The following CSMD1 variants were observed in gnomAD, a reference collection of about 807,000 sequenced individuals.
The protein encoded by CSMD1 is CUB and Sushi multiple domains 1.
CSMD1 carries 213 observed loss-of-function variants against 417.5 expected under a neutral mutation model. The ratio of observed to expected loss-of-function variants is 0.51; its 90% CI spans 0.46 to 0.57. CSMD1 has a LOEUF of 0.57. CSMD1 is among the 20% of genes least tolerant of loss of function. CSMD1 has a pLI of 0.00. For synonymous variants in CSMD1, 2,862 were observed against 1,736.8 expected (o/e 1.65, Z -16.11); for missense variants, 6,923 against 4,529.7 (o/e 1.53, Z -15.17).
intron 41 of CSMD1, among the ~76,000 whole-genome samples, chr8:3,122,005 G>A (rs1177240947): frequency 6.6e-6 from 1 of 151,918 alleles, no homozygotes; most frequent in Admixed American, 6.6e-5. Context: ...TGTAATTGCG[G>A]TTTTTGCCAT....
chr8:3,556,421 A>C (rs1799150165), intron 10 of CSMD1, among the ~76,000 whole-genome samples: 1 of 138,286 alleles, frequency 7.2e-6, no homozygotes, highest in African/African-American at 2.7e-5. Context: ...ATATTCACAC[A>C]CACAAAGAAT....
chr8:4,402,845 G>T (rs1281059906), intron 3 of CSMD1, among the ~76,000 whole-genome samples: 1 of 112,612 alleles, frequency 8.9e-6, no homozygotes, highest in Non-Finnish European at 1.7e-5. Flanking sequence ...TTTGGAGACA[G>T]AGCCTTGCTC....
At chr8:3,385,010 A>T (rs1318730749) in intron 18 of CSMD1, among the ~76,000 whole-genome samples, 1 of 34,098 alleles carries the variant, frequency 2.9e-5, no homozygotes, top group Non-Finnish European at 5.6e-5. Flanking sequence ...TTTATATATA[A>T]ATATATAATA....
At chr8:4,017,414 T>A (rs1040587053) in intron 4 of CSMD1, among the ~76,000 whole-genome samples, 1 of 152,152 alleles carries the variant, frequency 6.6e-6, no homozygotes, top group Non-Finnish European at 1.5e-5. Flanking sequence ...CAATCGATTC[T>A]CCTGCCTCAC....
chr8:4,778,379 T>C (rs1432335246), intron 1 of CSMD1, among the ~76,000 whole-genome samples: 3 of 152,186 alleles, frequency 2.0e-5, no homozygotes, highest in Non-Finnish European at 4.4e-5. Context: ...AACTTGATTT[T>C]CTTCTCATTC....
intron 5 of CSMD1, among the ~76,000 whole-genome samples, chr8:3,901,255 T>C (rs1028677484): frequency 6.6e-6 from 1 of 152,214 alleles, no homozygotes; most frequent in African/African-American, 2.4e-5. Flanking sequence ...TTTCCAGTTG[T>C]ACTGAGGTTT....
At chr8:3,236,608 A>G (rs1416874795) in intron 26 of CSMD1, among the ~76,000 whole-genome samples, 1 of 152,208 alleles carries the variant, frequency 6.6e-6, no homozygotes, top group East Asian at 1.9e-4. Flanking sequence ...GGGGCACTCC[A>G]TTAGGGGCAG....
chr8:3,795,898 T>TAG lies in CSMD1; in HGVS notation c.819-41857_819-41856insCT, dbSNP rs1800063078. Among the ~76,000 whole-genome samples the TAG allele has an allele frequency of 7.8e-5, 5 of 64,344 alleles. 1 individual carries two copies. Among genetic ancestry groups the TAG allele is most frequent in the African/African-American group, 2.7e-4 (5 of 18,648 alleles). 42.2% of individuals were successfully genotyped at this position (64,344 alleles called of 152,430 possible). A position where few individuals can be genotyped will look rare whatever the true frequency, so the allele number is the denominator to read the frequency against. ...GATATATATCTATCATGTACAGATA[T>TAG]ATATATCATGTACAGATATAGATAT... On this transcript the variant is annotated intron_variant, in intron 5 of 69. Transcript: ENST00000635120.
chr8:4,450,559 C>T (rs145168454), intron 2 of CSMD1, among the ~76,000 whole-genome samples: 2,391 of 152,070 alleles, frequency 0.016, 56 homozygotes, highest in African/African-American at 0.054. Flanking sequence ...CACTTGAACC[C>T]GGGAGGCAGA....
At chr8:4,052,019 T>C (rs545204302) in intron 3 of CSMD1, among the ~76,000 whole-genome samples, 14 of 152,020 alleles carry the variant, frequency 9.2e-5, no homozygotes, top group African/African-American at 2.9e-4. Flanking sequence ...TCTGTCTCCC[T>C]GTCATATACA....
chr8:4,798,951 CA>C (rs1332731323), intron 1 of CSMD1, among the ~76,000 whole-genome samples: 3 of 152,148 alleles, frequency 2.0e-5, no homozygotes, highest in Non-Finnish European at 4.4e-5. Context: ...ATCTGCCCTC[CA>C]AATTCACTCT....
intron 10 of CSMD1, among the ~76,000 whole-genome samples, chr8:3,567,795 C>T (rs1211125873): frequency 6.6e-6 from 1 of 152,162 alleles, no homozygotes; most frequent in Non-Finnish European, 1.5e-5. Context: ...ACTTGCCTTT[C>T]TTGAACATCC....
At chr8:4,481,698 T>C (rs1194565534) in intron 2 of CSMD1, among the ~76,000 whole-genome samples, 1 of 152,196 alleles carries the variant, frequency 6.6e-6, no homozygotes, top group African/African-American at 2.4e-5. Flanking sequence ...CTCAGTCTAT[T>C]TGGTTTGTTC....
At chr8:2,960,443 T>C (rs2128924810) in intron 62 of CSMD1, among the ~76,000 whole-genome samples, 1 of 152,328 alleles carries the variant, frequency 6.6e-6, no homozygotes, top group Admixed American at 6.5e-5. Context: ...TAATTAACTT[T>C]TGTTTTCAAA....
chr8:3,639,915 C>A (rs1222634361), intron 7 of CSMD1, among the ~76,000 whole-genome samples: 1 of 152,046 alleles, frequency 6.6e-6, no homozygotes, highest in East Asian at 1.9e-4. Flanking sequence ...GTTTTGCTAA[C>A]CCTAGTTAAA....
chr8:3,521,344 G>T (rs1029797684), intron 10 of CSMD1, among the ~76,000 whole-genome samples: 1 of 151,920 alleles, frequency 6.6e-6, no homozygotes, highest in African/African-American at 2.4e-5. Flanking sequence ...CTGTTTCTTT[G>T]CTGTTGGCCC....
intron 2 of CSMD1, among the ~76,000 whole-genome samples, chr8:4,565,714 G>A (rs913400984): frequency 1.1e-4 from 16 of 146,474 alleles, no homozygotes; most frequent in Non-Finnish European, 2.1e-4. Context: ...CAGCCTGGGT[G>A]ACAGCGCAAC....
chr8:3,626,626 C>A (rs1326707125), intron 7 of CSMD1, among the ~76,000 whole-genome samples: 3 of 151,476 alleles, frequency 2.0e-5, no homozygotes, highest in African/African-American at 7.3e-5. Context: ...TGAGTCCCCA[C>A]AGAAAGTTTC....
At chr8:4,095,059 G>C (rs1160864406) in intron 3 of CSMD1, among the ~76,000 whole-genome samples, 1 of 152,128 alleles carries the variant, frequency 6.6e-6, no homozygotes, top group African/African-American at 2.4e-5. Flanking sequence ...GTTGAGCTTT[G>C]GGCTAACAAG....
Sources: allele counts gnomAD v4.1 joint callset (sites outside exome capture counted in the v4.1 genomes callset), GRCh38; gene constraint gnomAD v4.1.1; transcripts MANE v1.5; gene names NCBI Gene and HGNC (gene_info 2026-07-23, HGNC 2026-07-21).